Variants in SIPA1L3 observed in about 807,000 individuals in gnomAD.
SIPA1L3 encodes signal-induced proliferation-associated 1-like protein 3.
A neutral mutation model predicts 150.1 loss-of-function variants in SIPA1L3; 59 were observed. That is an observed-to-expected ratio of 0.39 (90% CI 0.32 to 0.49). SIPA1L3 has a LOEUF of 0.49. Ranked by LOEUF, SIPA1L3 falls within the 20% of genes least tolerant of loss-of-function variation. SIPA1L3 has a pLI of 0.86. For missense variants in SIPA1L3, 2,211 were observed against 2,489.5 expected, an observed-to-expected ratio of 0.89 and a Z score of 2.38; for synonymous variants, 1,070 against 1,077.6, an observed-to-expected ratio of 0.99 and a Z score of 0.14.
In SIPA1L3 at chr19:38,054,382, G is replaced by A. The variant is rs531103133; in HGVS notation, c.-311+25226G>A. Among the ~76,000 whole-genome samples the A allele has an allele frequency of 6.6e-5, 10 of 152,304 alleles. No homozygotes were observed. The East Asian group carries it at 7.7e-4, about 12-fold the overall frequency. On this transcript the variant is annotated intron_variant, in intron 2 of 21. Transcript: ENST00000222345. Reference sequence around the variant, plus strand: ...AGCACTTTGGGAGGCCAAGGCAGGCGGATCACTTGACGTCAGAAGTTTGAG... The same window carrying A: ...AGCACTTTGGGAGGCCAAGGCAGGCAGATCACTTGACGTCAGAAGTTTGAG...
At chr19:38,101,261 C>T (rs1600070721) in intron 6 of SIPA1L3, 35 bp downstream of exon 6, 3 of 1,403,598 alleles carry the variant, frequency 2.1e-6, no homozygotes, top group African/African-American at 1.4e-5. Context: ...CAGTGAGCCA[C>T]CACTGCACTC....
intron 1 of SIPA1L3, among the ~76,000 whole-genome samples, chr19:38,024,539 C>T (rs1456203276): frequency 5.3e-5 from 8 of 152,084 alleles, no homozygotes; most frequent in Non-Finnish European, 1.0e-4. Flanking sequence ...GAGCCCGGCA[C>T]TGCCCCCCAG....
chr19:38,029,856 CTTTT>C (rs35091359), intron 2 of SIPA1L3, among the ~76,000 whole-genome samples: 1 of 120,872 alleles, frequency 8.3e-6, no homozygotes. Context: ...ACCTCGGCCT[CTTTT>C]TTTTTTTTTT....
chr19:37,924,801 C>T (rs968900333), intron 1 of SIPA1L3, among the ~76,000 whole-genome samples: 35 of 152,158 alleles, frequency 2.3e-4, no homozygotes, highest in African/African-American at 8.4e-4. Context: ...GTAATCCCAG[C>T]ACTTTCGGAG....
chr19:38,122,748 A>C (rs971320635), intron 9 of SIPA1L3, among the ~76,000 whole-genome samples: 1 of 152,188 alleles, frequency 6.6e-6, no homozygotes, highest in Admixed American at 6.5e-5. Context: ...TTTCATGCGC[A>C]TGCTAGGGCG....
intron 1 of SIPA1L3, among the ~76,000 whole-genome samples, chr19:37,998,222 A>G (rs1967692674): frequency 6.6e-6 from 1 of 152,204 alleles, no homozygotes; most frequent in Non-Finnish European, 1.5e-5. Flanking sequence ...TTGGATTTGT[A>G]TCGCCTAGAG....
intron 3 of SIPA1L3, among the ~76,000 whole-genome samples, chr19:38,088,145 T>C (rs1268938537): frequency 6.6e-6 from 1 of 152,216 alleles, no homozygotes; most frequent in East Asian, 1.9e-4. Context: ...CCAACACTCA[T>C]CATGTGCGTA....
chr19:38,153,802 T>C (rs1415205635), intron 13 of SIPA1L3, among the ~76,000 whole-genome samples: 2 of 148,396 alleles, frequency 1.3e-5, no homozygotes, highest in Non-Finnish European at 3.0e-5. Context: ...GGCGTGGTGG[T>C]ACATGCCTGT....
chr19:37,974,108 T>C (rs775741943), intron 1 of SIPA1L3, among the ~76,000 whole-genome samples: 5 of 152,204 alleles, frequency 3.3e-5, no homozygotes, highest in Non-Finnish European at 7.3e-5. Flanking sequence ...AGCTGGACTT[T>C]ATTGAGCACT....
At chr19:38,149,342 A>T (rs1173983270) in intron 12 of SIPA1L3, among the ~76,000 whole-genome samples, 1 of 152,142 alleles carries the variant, frequency 6.6e-6, no homozygotes, top group Non-Finnish European at 1.5e-5. Flanking sequence ...AGTTCGCGTC[A>T]CTGCTGCACT....
At chr19:38,198,811 C>T (rs1298343743) in intron 19 of SIPA1L3, among the ~76,000 whole-genome samples, 1 of 152,216 alleles carries the variant, frequency 6.6e-6, no homozygotes, top group East Asian at 1.9e-4. Context: ...CACGTGAGGC[C>T]AAGCACAGTG....
intron 2 of SIPA1L3, among the ~76,000 whole-genome samples, chr19:38,037,506 G>A (rs958159037): frequency 1.3e-5 from 2 of 152,176 alleles, no homozygotes; most frequent in African/African-American, 2.4e-5. Flanking sequence ...TCTGGCTGGC[G>A]GTGAGGAGGA....
At chr19:38,057,429 C>T (rs779084145) in intron 2 of SIPA1L3, among the ~76,000 whole-genome samples, 7 of 151,834 alleles carry the variant, frequency 4.6e-5, no homozygotes, top group Middle Eastern at 3.4e-3. Flanking sequence ...ATCAAATTAT[C>T]GAGTCTTTCC....
intron 8 of SIPA1L3, among the ~76,000 whole-genome samples, chr19:38,114,226 G>A (rs918417535): frequency 1.3e-5 from 2 of 151,994 alleles, no homozygotes; most frequent in East Asian, 3.9e-4. Flanking sequence ...TTCAAGACCA[G>A]CCTGACCAAC....
intron 13 of SIPA1L3, among the ~76,000 whole-genome samples, 154 bp downstream of exon 13, chr19:38,153,121 C>T (rs1971865392): frequency 6.6e-6 from 1 of 152,208 alleles, no homozygotes; most frequent in South Asian, 2.1e-4. Flanking sequence ...GAGAGGGCAC[C>T]TAGGAGAGCA....
chr19:38,196,896 C>G (rs1353851791), intron 18 of SIPA1L3, among the ~76,000 whole-genome samples: 2 of 152,170 alleles, frequency 1.3e-5, no homozygotes, highest in Non-Finnish European at 2.9e-5. Context: ...CTTCCACTCA[C>G]AGATATAACC....
At chr19:38,033,621 G>A (rs1239585423) in intron 2 of SIPA1L3, among the ~76,000 whole-genome samples, 1 of 152,090 alleles carries the variant, frequency 6.6e-6, no homozygotes, top group African/African-American at 2.4e-5. Flanking sequence ...CCAGGAGGTC[G>A]AGGCCATGCT....
intron 1 of SIPA1L3, among the ~76,000 whole-genome samples, chr19:37,973,212 T>C (rs1018793956): frequency 4.0e-5 from 6 of 149,392 alleles, no homozygotes; most frequent in Non-Finnish European, 8.9e-5. Flanking sequence ...TTGGGGACCA[T>C]GGTGTATGAA....
chr19:37,934,063 G>A (rs1338317631), intron 1 of SIPA1L3, among the ~76,000 whole-genome samples: 1 of 152,160 alleles, frequency 6.6e-6, no homozygotes, highest in African/African-American at 2.4e-5. Flanking sequence ...GGCTGAACAA[G>A]TTTTAATTAA....
Sources: gnomAD v4.1 joint callset for allele counts (sites outside exome capture counted in the v4.1 genomes callset) on GRCh38, gnomAD v4.1.1 for gene constraint, MANE v1.5 for transcripts, NCBI Gene and HGNC (gene_info 2026-07-23, HGNC 2026-07-21) for gene names.